Variants in ACSBG2 observed in about 807,000 individuals in gnomAD.
ACSBG2 encodes acyl-CoA synthetase bubblegum family member 2.
Under a neutral mutation model 74.7 loss-of-function variants are expected in ACSBG2, and 62 were observed. The ratio of observed to expected loss-of-function variants is 0.83; its 90% CI spans 0.68 to 1.03. The LOEUF (loss-of-function observed/expected upper bound fraction) is 1.03. Ranked by LOEUF, ACSBG2 falls within the 50% of genes least tolerant of loss-of-function variation. The probability of loss-of-function intolerance (pLI) is 0.00; values close to 1 mark genes in which losing one functional copy is unlikely to be tolerated. For missense variants in ACSBG2, 730 were observed against 817.6 expected (o/e 0.89, Z 1.31); for synonymous variants, 309 against 294.1 (o/e 1.05, Z -0.52).
chr19:6,154,426 GAGAGAGAAA>G (rs1208332025), intron 4 of ACSBG2, among the ~76,000 whole-genome samples: 15 of 90,118 alleles, frequency 1.7e-4, no homozygotes, highest in South Asian at 1.6e-3. Flanking sequence ...GAGAGAGAGA[GAGAGAGAAA>G]ATTATTATTA....
intron 7 of ACSBG2, among the ~76,000 whole-genome samples, chr19:6,172,166 T>C (rs183354918): frequency 7.6e-4 from 115 of 152,314 alleles, no homozygotes; most frequent in African/African-American, 2.6e-3. Flanking sequence ...ATTCATATTT[T>C]GAATTCTTTA....
intron 13 of ACSBG2, chr19:6,189,667 G>A (rs2090505373): frequency 6.6e-6 from 1 of 152,088 alleles, no homozygotes; most frequent in South Asian, 2.1e-4. Context: ...GAGTAGCTGG[G>A]ATGAGTGCGC....
In ACSBG2 at chr19:6,161,196, A is replaced by G; in HGVS notation, c.508-19A>G. Reference sequence around the variant, plus strand: ...CCAGGGCTGGGTTGCCATGAAGCCCACAGGGAACTTTCTTTCAGATTCCAC... The same window carrying G: ...CCAGGGCTGGGTTGCCATGAAGCCCGCAGGGAACTTTCTTTCAGATTCCAC... On this transcript the variant is annotated intron_variant, in intron 5 of 14. Transcript: ENST00000588485. 6.2e-7 allele frequency: 1 copy of G among 1,610,704 alleles called. No individual in the cohort carries two copies.
intron 5 of ACSBG2, among the ~76,000 whole-genome samples, chr19:6,158,166 C>T (rs2089486713): frequency 1.3e-5 from 2 of 151,728 alleles, no homozygotes; most frequent in Admixed American, 1.3e-4. Flanking sequence ...CGTCATTCTC[C>T]TGCCTCAGCC....
At chr19:6,165,151 C>T (rs1600083564) in intron 6 of ACSBG2, among the ~76,000 whole-genome samples, 1 of 152,290 alleles carries the variant, frequency 6.6e-6, no homozygotes, top group Non-Finnish European at 1.5e-5. Flanking sequence ...ATGGCTGGAA[C>T]CAGGGGCTCA....
chr19:6,186,600 G>A (rs78885347), intron 11 of ACSBG2, among the ~76,000 whole-genome samples: 9,985 of 152,232 alleles, frequency 0.066, 528 homozygotes, highest in African/African-American at 0.15. Flanking sequence ...AACTGAAAAG[G>A]TCAGTTGGCC....
chr19:6,146,970 G>T (rs1013748653), intron 2 of ACSBG2, among the ~76,000 whole-genome samples: 3 of 152,050 alleles, frequency 2.0e-5, no homozygotes, highest in Non-Finnish European at 4.4e-5. Flanking sequence ...GCATGGTGGT[G>T]TTTGCCTGTA....
intron 2 of ACSBG2, among the ~76,000 whole-genome samples, chr19:6,146,070 A>G (rs568593638): frequency 3.3e-5 from 5 of 152,226 alleles, no homozygotes; most frequent in African/African-American, 1.2e-4. Context: ...CTTTAAAAAA[A>G]TCTCCGTAAA....
At chr19:6,188,541 C>A (rs984349964) in intron 13 of ACSBG2, among the ~76,000 whole-genome samples, 7 of 152,058 alleles carry the variant, frequency 4.6e-5, no homozygotes, top group African/African-American at 1.4e-4. Context: ...CTGAGAGGAT[C>A]GCTTGAGCCC....
chr19:6,189,892 T>C (rs1444292065), intron 13 of ACSBG2: 1 of 152,302 alleles, frequency 6.6e-6, no homozygotes, highest in Non-Finnish European at 1.5e-5. Context: ...GTATTTTTAG[T>C]AGAGACAGGG....
chr19:6,183,306 C>T, intron 10 of ACSBG2, 34 bp downstream of exon 10: 1 of 1,591,006 alleles, frequency 6.3e-7, no homozygotes, highest in Non-Finnish European at 8.6e-7. Context: ...CTGCTCCTCC[C>T]ATAACATGGG....
chr19:6,166,143 G>A, intron 7 of ACSBG2, 128 bp downstream of exon 7: 1 of 1,197,086 alleles, frequency 8.4e-7, no homozygotes, highest in Non-Finnish European at 1.2e-6. Flanking sequence ...GGGTTAGAGA[G>A]TAGCGTAGTT....
At chr19:6,181,318 A>C (rs1467518678) in intron 8 of ACSBG2, among the ~76,000 whole-genome samples, 1 of 150,232 alleles carries the variant, frequency 6.7e-6, no homozygotes, top group Non-Finnish European at 1.5e-5. Flanking sequence ...AAAGAAAGGA[A>C]GGAGGGAGGA....
At chr19:6,168,966 G>A (rs1414234369) in intron 7 of ACSBG2, among the ~76,000 whole-genome samples, 1 of 151,966 alleles carries the variant, frequency 6.6e-6, no homozygotes, top group African/African-American at 2.4e-5. Context: ...TTTAGAAGAG[G>A]TGGGGCTTCG....
At chr19:6,142,396 G>A (rs996357430) in intron 2 of ACSBG2, among the ~76,000 whole-genome samples, 12 of 152,108 alleles carry the variant, frequency 7.9e-5, no homozygotes, top group South Asian at 4.2e-4. Flanking sequence ...GTGGGACCTC[G>A]AACCCAGCCA....
At chr19:6,156,945 G>A (rs1381736953) in intron 5 of ACSBG2, among the ~76,000 whole-genome samples, 1 of 149,666 alleles carries the variant, frequency 6.7e-6, no homozygotes, top group Non-Finnish European at 1.5e-5. Context: ...CACCATGTCA[G>A]GCTAACTTTT....
At chr19:6,142,796 A>C (rs73552715) in intron 2 of ACSBG2, among the ~76,000 whole-genome samples, 4,568 of 152,016 alleles carry the variant, frequency 0.03, 206 homozygotes, top group African/African-American at 0.1. Flanking sequence ...TTTATGGCAA[A>C]TAAAAGTACT....
At position 6,147,433 on chromosome 19, in the gene ACSBG2, T is replaced by C. The variant is rs1345581823; in HGVS notation, c.68-13T>C. 6.2e-7 allele frequency: 1 copy of C among 1,608,692 alleles called. No homozygotes were observed. ...AAAAACATTTGCCACCCAACTCTGG[T>C]GACTATTTGCAGTTACTCCCAGGCT... is the stretch of plus-strand genomic sequence containing the variant. On this transcript the variant is annotated splice_polypyrimidine_tract_variant and intron_variant, in intron 2 of 14. Coordinates refer to ENST00000588485, the MANE Select transcript of ACSBG2 (RefSeq NM_030924.5).
intron 14 of ACSBG2, chr19:6,191,552 G>A (rs1477445716): frequency 1.3e-5 from 2 of 152,276 alleles, no homozygotes; most frequent in Middle Eastern, 3.4e-3. Flanking sequence ...GCTGATGGCT[G>A]TCTTCTCTCT....
Sources: gnomAD v4.1 joint callset for allele counts (sites outside exome capture counted in the v4.1 genomes callset) on GRCh38, gnomAD v4.1.1 for gene constraint, MANE v1.5 for transcripts, NCBI Gene and HGNC (gene_info 2026-07-23, HGNC 2026-07-21) for gene names.